The following SESTD1 variants were observed in gnomAD, a reference collection of about 807,000 sequenced individuals.
SESTD1 encodes SEC14 domain and spectrin repeat-containing protein 1.
SESTD1 carries 43 observed loss-of-function variants against 101.7 expected under a neutral mutation model. The observed-to-expected ratio is 0.42, with a 90% CI of 0.33 to 0.55. SESTD1 has a LOEUF of 0.55. Among genes scored for constraint, SESTD1 ranks in the 20% least tolerant of loss-of-function variants. The pLI is 0.07. For synonymous variants in SESTD1, 283 were observed against 286.8 expected (o/e 0.99, Z 0.13); for missense variants, 647 against 815.1 (o/e 0.79, Z 2.51).
At chr2:179,245,835 C>T (rs2105550988) in intron 1 of SESTD1, among the ~76,000 whole-genome samples, 1 of 152,240 alleles carries the variant, frequency 6.6e-6, no homozygotes, top group East Asian at 1.9e-4. Context: ...TAAATATATT[C>T]ATTAAAAAAC....
Position 179,183,087 on chromosome 2 carries a change from T to G in SESTD1, c.157A>C (p.Ile53Leu). Reference sequence around the variant, plus strand: ...AGACACCTTTAGAGTCACCTTGGAATGCTGAGTAGGTAGTCTAAGGTGACA... The same window carrying G: ...AGACACCTTTAGAGTCACCTTGGAAGGCTGAGTAGGTAGTCTAAGGTGACA... ...LSVTLDYLLS[I>L]PSEKCKARGF... The change falls in exon 3 of 18, where the codon ATT (isoleucine) becomes CTT (leucine). Residue 53 changes from isoleucine (I) to leucine (L), a missense_variant. Ile to Leu is a conservative substitution (Grantham distance 5, BLOSUM62 2). Coordinates refer to ENST00000428443, the MANE Select transcript of SESTD1 (RefSeq NM_178123.5). 3.1e-6 allele frequency: 5 copies of G among 1,598,676 alleles called. No homozygotes were observed. The highest frequency in any genetic ancestry group is 3.4e-6 in the Non-Finnish European group (4 of 1,172,470).
chr2:179,127,451 T>C (rs928029872), intron 10 of SESTD1, among the ~76,000 whole-genome samples: 2 of 152,238 alleles, frequency 1.3e-5, no homozygotes, highest in East Asian at 1.9e-4. Context: ...TTAACATTCA[T>C]TGATTGAAGG....
At chr2:179,163,499 A>G (rs528469450) in intron 5 of SESTD1, among the ~76,000 whole-genome samples, 2 of 151,676 alleles carry the variant, frequency 1.3e-5, no homozygotes, top group South Asian at 2.1e-4. Context: ...TCCTCACATT[A>G]CCAAAGAAAT....
chr2:179,226,505 A>C (rs1380949488), intron 1 of SESTD1, among the ~76,000 whole-genome samples: 3 of 152,186 alleles, frequency 2.0e-5, no homozygotes, highest in African/African-American at 7.2e-5. Context: ...CTTTTTGTTA[A>C]GTGATTAAAT....
intron 3 of SESTD1, among the ~76,000 whole-genome samples, chr2:179,180,252 A>C (rs1213088113): frequency 6.6e-6 from 1 of 152,208 alleles, no homozygotes; most frequent in African/African-American, 2.4e-5. Context: ...AAAGTATAAG[A>C]AATTGAGTAA....
intron 4 of SESTD1, 41 bp downstream of exon 4, chr2:179,176,407 T>TA (rs1396663244): frequency 6.8e-7 from 1 of 1,480,194 alleles, no homozygotes; most frequent in East Asian, 2.3e-5. Flanking sequence ...TCTGTTGCTG[T>TA]AAAATAAAAA....
At chr2:179,260,621 C>T (rs1400162139) in intron 1 of SESTD1, among the ~76,000 whole-genome samples, 1 of 152,138 alleles carries the variant, frequency 6.6e-6, no homozygotes, top group Admixed American at 6.5e-5. Flanking sequence ...TTAAACTGTT[C>T]CAGAGCACAG....
intron 9 of SESTD1, among the ~76,000 whole-genome samples, chr2:179,138,870 CAAAAAAAAAAAAA>C (rs61703699): frequency 7.6e-5 from 5 of 65,546 alleles, no homozygotes; most frequent in South Asian, 7.4e-4. Context: ...AACCCTGTCT[CAAAAAAAAAAAAA>C]AAAAAAAAAA....
chr2:179,146,486 A>G, intron 7 of SESTD1, 29 bp from the exon 8 acceptor site: 1 of 1,586,012 alleles, frequency 6.3e-7, no homozygotes, highest in South Asian at 1.1e-5. Context: ...GTAATTTTCA[A>G]AAGGCATATT....
At chr2:179,214,087 A>G (rs1380860380) in intron 1 of SESTD1, among the ~76,000 whole-genome samples, 1 of 134,954 alleles carries the variant, frequency 7.4e-6, no homozygotes, top group Non-Finnish European at 1.6e-5. Flanking sequence ...GGGCAAAATA[A>G]CCAGCTAACA....
chr2:179,102,137 T>C lies in SESTD1; in HGVS notation c.*7762A>G, dbSNP rs565228689. On this transcript the variant is annotated 3_prime_UTR_variant, in exon 18 of 18. Coordinates refer to ENST00000428443, the MANE Select transcript of SESTD1 (RefSeq NM_178123.5). The stretch of plus-strand genomic sequence containing the variant: ...ATGGAAATTTCACCACTGTCTATTA[T>C]GGTGAGAACCTATTTCTGACAACAT... The C allele has an allele frequency of 1.3e-5, 2 of 152,306 alleles. No homozygotes were observed. Among genetic ancestry groups the C allele is most frequent in the South Asian group, 4.1e-4 (2 of 4,830 alleles). The allele number at this position is 152,306 out of a possible 1,614,324, so 9.4% of individuals were successfully genotyped here. A position where few individuals can be genotyped will look rare whatever the true frequency, so the allele number is the denominator to read the frequency against.
At chr2:179,152,898 A>C (rs1013537936) in intron 5 of SESTD1, among the ~76,000 whole-genome samples, 12 of 152,194 alleles carry the variant, frequency 7.9e-5, no homozygotes, top group African/African-American at 1.9e-4. Flanking sequence ...CAAAGAAAAT[A>C]GAAGAAAGGA....
chr2:179,161,442 C>G (rs1255209460), intron 5 of SESTD1, among the ~76,000 whole-genome samples: 1 of 152,114 alleles, frequency 6.6e-6, no homozygotes, highest in Non-Finnish European at 1.5e-5. Context: ...GCGAGTGGAT[C>G]ACGAGGTCAA....
At chr2:179,121,685 T>A in intron 13 of SESTD1, 85 bp downstream of exon 13, 1 of 1,195,638 alleles carries the variant, frequency 8.4e-7, no homozygotes. Context: ...AAGAACGTTT[T>A]GTCTGTATAT....
chr2:179,138,043 C>G (rs889015351), intron 9 of SESTD1, among the ~76,000 whole-genome samples: 2 of 152,028 alleles, frequency 1.3e-5, no homozygotes, highest in African/African-American at 2.4e-5. Flanking sequence ...CTGTGAAAAA[C>G]AGAGTACAGA....
chr2:179,249,232 A>G (rs886524626), intron 1 of SESTD1, among the ~76,000 whole-genome samples: 2 of 150,332 alleles, frequency 1.3e-5, no homozygotes, highest in African/African-American at 4.9e-5. Flanking sequence ...AAAAAAAAGA[A>G]GACTACCCCT....
chr2:179,128,112 C>G (rs1009766250), intron 10 of SESTD1, among the ~76,000 whole-genome samples: 2 of 152,210 alleles, frequency 1.3e-5, no homozygotes, highest in African/African-American at 4.8e-5. Context: ...AAATCAGTAT[C>G]TGGAGTTGGC....
intron 9 of SESTD1, among the ~76,000 whole-genome samples, chr2:179,139,445 C>G (rs1179889900): frequency 2.0e-5 from 3 of 152,148 alleles, no homozygotes; most frequent in Non-Finnish European, 4.4e-5. Context: ...TGAAAATATA[C>G]CAAGCTTGCA....
chr2:179,239,782 A>T (rs1005672758), intron 1 of SESTD1, among the ~76,000 whole-genome samples: 2 of 152,218 alleles, frequency 1.3e-5, no homozygotes, highest in African/African-American at 4.8e-5. Context: ...ACTACATGCA[A>T]ACCTTAAATT....
Sources: gnomAD v4.1 joint callset for allele counts (sites outside exome capture counted in the v4.1 genomes callset) on GRCh38, gnomAD v4.1.1 for gene constraint, MANE v1.5 for transcripts, NCBI Gene and HGNC (gene_info 2026-07-23, HGNC 2026-07-21) for gene names.